Variants in ENOX1 observed in about 807,000 individuals in gnomAD.
ENOX1 encodes candidate growth-related and time keeping constitutive hydroquinone (NADH) oxidase.
Under a neutral mutation model 82.5 loss-of-function variants are expected in ENOX1, and 42 were observed. That is an observed-to-expected ratio of 0.51 (90% CI 0.40 to 0.66). The LOEUF is 0.66. Among genes scored for constraint, ENOX1 ranks in the 30% least tolerant of loss-of-function variants. ENOX1 has a pLI of 0.00. For missense variants in ENOX1, 608 were observed against 811.6 expected (o/e 0.75, Z 3.05); for synonymous variants, 271 against 282.2 (o/e 0.96, Z 0.40).
At chr13:43,340,312 C>T (rs2048978667) in intron 9 of ENOX1, among the ~76,000 whole-genome samples, 1 of 152,204 alleles carries the variant, frequency 6.6e-6, no homozygotes, top group Admixed American at 6.5e-5. Context: ...TTAAGGTATC[C>T]CCCATCTTCG....
chr13:43,453,066 T>C (rs1180678783), intron 3 of ENOX1, among the ~76,000 whole-genome samples: 1 of 152,230 alleles, frequency 6.6e-6, no homozygotes, highest in Non-Finnish European at 1.5e-5. Flanking sequence ...ATGCTTGCTA[T>C]ATCATTATTT....
chr13:43,693,516 A>G (rs1594436280), intron 1 of ENOX1, among the ~76,000 whole-genome samples: 1 of 151,988 alleles, frequency 6.6e-6, no homozygotes, highest in South Asian at 2.1e-4. Flanking sequence ...TCTCATACAC[A>G]AAACAGTCAG....
chr13:43,234,501 AC>A (rs1383228967), intron 15 of ENOX1, among the ~76,000 whole-genome samples: 2 of 151,992 alleles, frequency 1.3e-5, no homozygotes, highest in African/African-American at 2.4e-5. Flanking sequence ...AATAAGTGTC[AC>A]CCCCTGTTTC....
chr13:43,596,433 G>A (rs958840827), intron 2 of ENOX1, among the ~76,000 whole-genome samples: 13 of 152,224 alleles, frequency 8.5e-5, no homozygotes, highest in African/African-American at 3.1e-4. Flanking sequence ...TTAATCCTGT[G>A]GGTAGGACAG....
chr13:43,518,498 C>A (rs903630000), intron 2 of ENOX1, among the ~76,000 whole-genome samples: 5 of 151,916 alleles, frequency 3.3e-5, no homozygotes, highest in African/African-American at 1.2e-4. Flanking sequence ...TGTTCTAGTG[C>A]AATACTCAGC....
intron 15 of ENOX1, among the ~76,000 whole-genome samples, chr13:43,236,334 T>G (rs1296421832): frequency 1.3e-5 from 2 of 152,178 alleles, no homozygotes; most frequent in East Asian, 3.8e-4. Flanking sequence ...GGCCTCCAGT[T>G]GGAAGTGACA....
chr13:43,658,058 A>G (rs986173645), intron 2 of ENOX1, among the ~76,000 whole-genome samples: 7 of 152,218 alleles, frequency 4.6e-5, no homozygotes, highest in Non-Finnish European at 7.4e-5. Flanking sequence ...ATGACTAAAA[A>G]GAATTTGAAG....
At chr13:43,483,315 G>A (rs892416697) in intron 3 of ENOX1, among the ~76,000 whole-genome samples, 1 of 152,170 alleles carries the variant, frequency 6.6e-6, no homozygotes, top group Non-Finnish European at 1.5e-5. Context: ...TTGTCAGAAA[G>A]TACCTTCAAA....
chr13:43,770,516 A>G (rs546797066), intron 1 of ENOX1, among the ~76,000 whole-genome samples: 1 of 152,336 alleles, frequency 6.6e-6, no homozygotes, highest in Admixed American at 6.5e-5. Flanking sequence ...ATGTATTACA[A>G]TGAAAGGCAT....
intron 2 of ENOX1, among the ~76,000 whole-genome samples, chr13:43,578,288 A>T (rs2080535558): frequency 6.6e-6 from 1 of 152,206 alleles, no homozygotes; most frequent in South Asian, 2.1e-4. Context: ...CAACCTGGGA[A>T]TATCAGTGAA....
chr13:43,700,172 T>C (rs1240578580), intron 1 of ENOX1, among the ~76,000 whole-genome samples: 3 of 152,162 alleles, frequency 2.0e-5, no homozygotes, highest in Non-Finnish European at 4.4e-5. Flanking sequence ...TTCATAAGAA[T>C]TGGGTTTTTA....
At chr13:43,739,703 G>A (rs2089808281) in intron 1 of ENOX1, among the ~76,000 whole-genome samples, 2 of 151,928 alleles carry the variant, frequency 1.3e-5, no homozygotes, top group African/African-American at 4.8e-5. Context: ...TAAATAAGAT[G>A]GTTAAATAAA....
intron 3 of ENOX1, among the ~76,000 whole-genome samples, chr13:43,463,928 G>GTACT (rs2057604021): frequency 6.6e-6 from 1 of 152,110 alleles, no homozygotes. Flanking sequence ...CTATGTGCAG[G>GTACT]TACTGTGCTT....
intron 1 of ENOX1, among the ~76,000 whole-genome samples, chr13:43,744,917 C>T (rs760235861): frequency 2.8e-4 from 42 of 152,152 alleles, no homozygotes; most frequent in Non-Finnish European, 5.1e-4. Context: ...CTTAGCATTA[C>T]GGATTACTAA....
At chr13:43,405,719 G>T (rs1026144809) in intron 5 of ENOX1, among the ~76,000 whole-genome samples, 6 of 152,166 alleles carry the variant, frequency 3.9e-5, no homozygotes, top group Non-Finnish European at 7.3e-5. Context: ...GTACTGCTCA[G>T]GATAATCGCT....
intron 2 of ENOX1, among the ~76,000 whole-genome samples, chr13:43,650,531 C>G (rs1203970300): frequency 2.0e-5 from 3 of 152,098 alleles, no homozygotes; most frequent in African/African-American, 7.2e-5. Context: ...ACCACTGCCC[C>G]TGGGACTTTC....
At chr13:43,396,466 G>A (rs982551863) in intron 5 of ENOX1, among the ~76,000 whole-genome samples, 2 of 152,168 alleles carry the variant, frequency 1.3e-5, no homozygotes, top group South Asian at 2.1e-4. Flanking sequence ...TGCAACCTCC[G>A]CCTTCCGGGT....
intron 1 of ENOX1, among the ~76,000 whole-genome samples, chr13:43,741,312 T>C (rs371679310): frequency 1.6e-3 from 238 of 152,324 alleles, no homozygotes; most frequent in African/African-American, 5.0e-3. Flanking sequence ...CTAGAACTCC[T>C]GACCTTGTGA....
At chr13:43,552,398 C>T (rs1473596899) in intron 2 of ENOX1, among the ~76,000 whole-genome samples, 1 of 151,406 alleles carries the variant, frequency 6.6e-6, no homozygotes, top group East Asian at 1.9e-4. Flanking sequence ...ATTCCTAGAA[C>T]CCTCCTCATT....
Sources: allele counts gnomAD v4.1 joint callset (sites outside exome capture counted in the v4.1 genomes callset), GRCh38; gene constraint gnomAD v4.1.1; transcripts MANE v1.5; gene names NCBI Gene and HGNC (gene_info 2026-07-23, HGNC 2026-07-21).